The following PKD1 variants were observed in gnomAD, a reference collection of about 807,000 sequenced individuals.
PKD1 encodes the protein polycystin 1, transient receptor potential channel interacting.
PKD1 carries 81 observed loss-of-function variants against 361.7 expected under a neutral mutation model. The ratio of observed to expected loss-of-function variants is 0.22; its 90% confidence interval spans 0.19 to 0.27. The LOEUF is 0.27. PKD1 is among the 10% of genes least tolerant of loss of function. PKD1 has a pLI of 1.00. For missense variants in PKD1, 6,399 were observed against 6,118.3 expected (o/e 1.05, Z -1.53); for synonymous variants, 3,615 against 2,818.3 (o/e 1.28, Z -8.95).
chr16:2,124,721 A>G (rs1302887366), intron 1 of PKD1, among the ~76,000 whole-genome samples: 2 of 152,132 alleles, frequency 1.3e-5, no homozygotes, highest in Non-Finnish European at 2.9e-5. Flanking sequence ...CATTCCAGAC[A>G]CGTGTGGTCA....
chr16:2,128,926 T>C (rs1052925113), intron 1 of PKD1, among the ~76,000 whole-genome samples: 7 of 151,624 alleles, frequency 4.6e-5, no homozygotes, highest in African/African-American at 1.7e-4. Flanking sequence ...TGCAGTGGTG[T>C]GATATTGGCT....
intron 1 of PKD1, among the ~76,000 whole-genome samples, chr16:2,131,033 G>A (rs1290776487): frequency 6.6e-6 from 1 of 152,158 alleles, no homozygotes; most frequent in Non-Finnish European, 1.5e-5. Context: ...ACAACCTCTG[G>A]GACAATGGGA....
Position 2,111,205 on chromosome 16 carries a change from G to A in PKD1, c.3962C>T (p.Pro1321Leu), listed in dbSNP as rs779379060. 21 of 1,611,266 alleles carry A rather than the reference G, an allele frequency of 1.3e-5. No homozygotes were observed. The highest frequency in any genetic ancestry group is 3.3e-5 in the Admixed American group (2 of 59,972). ...GGTCCAGTCGAAGAGGTAGTGGGCC[G>A]GGTTCCCGGTGACGTAGGCCGTGAG... ...ARLTAYVTGN[P>L]AHYLFDWTFG... Residue 1321 changes from proline to leucine, a missense_variant, in exon 15 of 46, where the codon CCG becomes CTG. Transcript: ENST00000262304.
At position 2,106,158 on chromosome 16, in the gene PKD1, G is replaced by A. The variant is rs200037070; in HGVS notation, c.7636C>T (p.His2546Tyr). ...ACCACGGCCAGGCCCACCTCGAAGT[G>A]TGGCCTGAAACCCGGGGGCAGCACG... ...GAVLPPGFRP[H>Y]FEVGLAVVVQ... Residue 2546 changes from histidine to tyrosine, a missense_variant, in exon 19 of 46, where the codon CAC becomes TAC. Coordinates refer to ENST00000262304, the MANE Select transcript of PKD1 (RefSeq NM_001009944.3). The surrounding 1 kb of genome is among the most constrained non-coding windows in gnomAD (Gnocchi z 6.5). 1.5e-3 allele frequency: 2,431 copies of A among 1,608,318 alleles called. 2 individuals are homozygous for A. The highest frequency in any genetic ancestry group is 1.6e-3 in the Non-Finnish European group (1,933 of 1,178,588).
At chr16:2,091,274 GACGCT>G in intron 42 of PKD1, 100 bp from the exon 43 acceptor site, 1 of 419,564 alleles carries the variant, frequency 2.4e-6, no homozygotes. Context: ...GAGGGGGCGG[GACGCT>G]GCCGGGGCGG....
Position 2,114,715 on chromosome 16 carries a change from G to T in PKD1, c.2308C>A (p.Arg770=). The change falls in exon 11 of 46, where the codon CGG becomes AGG. Residue 770 remains arginine (R), a synonymous_variant. Coordinates refer to ENST00000262304, the MANE Select transcript of PKD1 (RefSeq NM_001009944.3). ...AGCTGTTCCGTGGCTGCAAGCAGCC[G>T]CAGGGCACAGGCAGGGCAGGCCCAA... The part of the protein sequence containing the change: ...GTWACPACAL[R]LLAATEQLTV... The T allele has an allele frequency of 1.3e-6, 2 of 1,532,504 alleles. No homozygotes were observed. Among genetic ancestry groups the T allele is most frequent in the Non-Finnish European group, 1.7e-6 (2 of 1,145,474 alleles). The allele number at this position is 1,532,504 out of a possible 1,614,324, so 94.9% of individuals were successfully genotyped here. A position where few individuals can be genotyped will look rare whatever the true frequency, so the allele number is the denominator to read the frequency against.
rs2369074 is a variant in PKD1, at chr16:2,112,491, C to G, written c.3162-18G>C. 3.0e-5 allele frequency: 47 copies of G among 1,583,780 alleles called. No individual in the cohort carries two copies. Among genetic ancestry groups the G allele is most frequent in the Non-Finnish European group, 3.7e-5 (44 of 1,173,418 alleles). Reference sequence around the variant, plus strand: ...AGGTCCACCTGCCGGGGCGGTGGGACGCAGTGAGTGAACCGGGACAGGGGT... The same window carrying G: ...AGGTCCACCTGCCGGGGCGGTGGGAGGCAGTGAGTGAACCGGGACAGGGGT... On this transcript the variant is annotated intron_variant, in intron 13 of 45. Coordinates refer to ENST00000262304, the MANE Select transcript of PKD1 (RefSeq NM_001009944.3).
chr16:2,090,593 G>A lies in PKD1; in HGVS notation c.12139-3C>T, dbSNP rs746284946. 17 of 1,608,320 alleles carry A rather than the reference G, an allele frequency of 1.1e-5. No individual in the cohort carries two copies. Among genetic ancestry groups the A allele is most frequent in the African/African-American group, 1.3e-5 (1 of 74,908 alleles). On this transcript the variant is annotated splice_region_variant and splice_polypyrimidine_tract_variant and intron_variant, in intron 44 of 45. Coordinates refer to ENST00000262304, the MANE Select transcript of PKD1 (RefSeq NM_001009944.3). ...GAGTCCACACAGGAAGACACGAGCT[G>A]CGGGGAAGGCGACACCAGTGAGGGC...
At chr16:2,127,326 G>A (rs2092811812) in intron 1 of PKD1, among the ~76,000 whole-genome samples, 4 of 152,128 alleles carry the variant, frequency 2.6e-5, no homozygotes, top group Non-Finnish European at 5.9e-5. Context: ...ACACCAGAAC[G>A]CGTCAAAAGG....
chr16:2,092,798 T>TA, intron 38 of PKD1, 156 bp downstream of exon 38: 1 of 944,060 alleles, frequency 1.1e-6, no homozygotes. Flanking sequence ...CACGGACCTG[T>TA]GTCCCTCCCC....
rs2091574146 is a variant in PKD1, at chr16:2,091,467, G to C, written c.11668C>G (p.Leu3890Val). 1 of 1,319,386 alleles carries C rather than the reference G, an allele frequency of 7.6e-7. No homozygotes were observed. Among genetic ancestry groups the C allele is most frequent in the East Asian group, 3.7e-5 (1 of 26,968 alleles). The allele number at this position is 1,319,386 out of a possible 1,614,324, so 81.7% of individuals were successfully genotyped here. Residue 3890 changes from leucine (L) to valine (V), a missense_variant, in exon 42 of 46, where the codon CTG becomes GTG. Physicochemically the swap from Leu to Val is conservative, Grantham distance 32 (BLOSUM62 1). Coordinates refer to ENST00000262304, the MANE Select transcript of PKD1 (RefSeq NM_001009944.3). ...GAGAGGCCCGCGCTGAGGCGGCGCA[G>C]CGCAAAGGGGCGGACGCTGAGGGCG... is the stretch of plus-strand genomic sequence containing the variant. ...LAALSVRPFALRRLSAGLSLP... is the reference protein window; with the variant it reads ...LAALSVRPFAVRRLSAGLSLP...
intron 34 of PKD1, chr16:2,095,161 G>C (rs2091792952): frequency 6.8e-6 from 1 of 147,148 alleles, no homozygotes; most frequent in Non-Finnish European, 1.5e-5. Flanking sequence ...TGTAATCTCA[G>C]CATTTTGGGA....
Position 2,089,650 on chromosome 16 carries a change from G to C in PKD1, c.*77C>G. 1.3e-6 allele frequency: 2 copies of C among 1,516,756 alleles called. No homozygotes were observed. Among genetic ancestry groups the C allele is most frequent in the South Asian group, 1.2e-5 (1 of 83,076 alleles). The allele number at this position is 1,516,756 out of a possible 1,614,324, so 94.0% of individuals were successfully genotyped here. On this transcript the variant is annotated 3_prime_UTR_variant, in exon 46 of 46. Coordinates refer to ENST00000262304, the MANE Select transcript of PKD1 (RefSeq NM_001009944.3). Reference sequence around the variant, plus strand: ...CGTGCAGCCATTCTGCCTGGCCCTCGGCCTTGACAGCGGCAGAAAGTAATA... The same window carrying C: ...CGTGCAGCCATTCTGCCTGGCCCTCCGCCTTGACAGCGGCAGAAAGTAATA...
In PKD1 at chr16:2,099,070, G is replaced by A. The variant is rs563246229; in HGVS notation, c.10050+574C>T. 2.3e-5 allele frequency: 5 copies of A among 215,408 alleles called. No homozygotes were observed. The Admixed American group carries it at 2.6e-4, about 11-fold the overall frequency. 13.3% of individuals were successfully genotyped at this position (215,408 alleles called of 1,614,324 possible). On this transcript the variant is annotated intron_variant, in intron 30 of 45. Coordinates refer to ENST00000262304, the MANE Select transcript of PKD1 (RefSeq NM_001009944.3). ...TGGTCTCGAACTCCTGACCTCAAGT[G>A]ATCTGCCCGCCTCGGCCTCCCAAAG...
rs745807227 is a variant in PKD1, at chr16:2,090,696, G to A, written c.12116C>T (p.Ala4039Val). Residue 4039 changes from alanine (A) to valine (V), a missense_variant, in exon 44 of 46, where the codon GCC (alanine) becomes GTC (valine). Ala to Val is a moderately conservative substitution (Grantham distance 64, BLOSUM62 0). Transcript: ENST00000262304. The part of the protein sequence containing the change: ...VTLGLVVLGV[A>V]YAQLAILLVS... ...TACCAGGATGGCCAGCTGGGCGTAG[G>A]CTACCCCGAGCACCACCAGGCCCAA... The A allele has an allele frequency of 8.1e-6, 13 of 1,612,220 alleles. No homozygotes were observed. The South Asian group carries it at 8.8e-5, about 11-fold the overall frequency.
chr16:2,090,850 CGCCCAGCCCCGCGCCCACCG>C lies in PKD1; in HGVS notation c.12003+14_12003+33del, dbSNP rs1567148835. ...TGTCTGCTTGCAGCCCTGGGGTGTG[CGCCCAGCCCCGCGCCCACCG>C]GCCCAGCCCTCACCTTGACCAAAAG... On this transcript the variant is annotated intron_variant, in intron 43 of 45. Coordinates refer to ENST00000262304, the MANE Select transcript of PKD1 (RefSeq NM_001009944.3). 6.2e-7 allele frequency: 1 copy of C among 1,608,986 alleles called. No homozygotes were observed. Among genetic ancestry groups the C allele is most frequent in the Non-Finnish European group, 8.5e-7 (1 of 1,179,794 alleles).
intron 1 of PKD1, among the ~76,000 whole-genome samples, chr16:2,130,179 G>A (rs538414441): frequency 2.1e-4 from 32 of 152,226 alleles, no homozygotes; most frequent in Non-Finnish European, 3.8e-4. Context: ...CCGAGTGCGG[G>A]AGCCACGTAA....
At chr16:2,122,985 A>G (rs1311939731) in intron 1 of PKD1, among the ~76,000 whole-genome samples, 1 of 152,202 alleles carries the variant, frequency 6.6e-6, no homozygotes, top group Admixed American at 6.5e-5. Context: ...TGGAAAATCC[A>G]TCAAGAGTGG....
chr16:2,109,239 C>G lies in PKD1; in HGVS notation c.5928G>C (p.Val1976=). Residue 1976 remains valine, a synonymous_variant, in exon 15 of 46, where the codon GTG becomes GTC. Coordinates refer to ENST00000262304, the MANE Select transcript of PKD1 (RefSeq NM_001009944.3). Reference sequence around the variant, plus strand: ...CGATGCCAGGCTCGCAGCAGTTGGGCACCTGCAGCCCACTCACGGCCTCCA... The same window carrying G: ...CGATGCCAGGCTCGCAGCAGTTGGGGACCTGCAGCCCACTCACGGCCTCCA... ...VVLEAVSGLQ[V]PNCCEPGIAT... 6.3e-7 allele frequency: 1 copy of G among 1,588,696 alleles called. No individual in the cohort carries two copies. The highest frequency in any genetic ancestry group is 8.6e-7 in the Non-Finnish European group (1 of 1,167,106).
Sources: allele counts gnomAD v4.1 joint callset (sites outside exome capture counted in the v4.1 genomes callset), GRCh38; gene constraint gnomAD v4.1.1; non-coding constraint Gnocchi (gnomAD v3.1); transcripts MANE v1.5; gene names NCBI Gene and HGNC (gene_info 2026-07-23, HGNC 2026-07-21).